Variants in KCNK17 observed in about 807,000 individuals in gnomAD.
KCNK17 encodes potassium two pore domain channel subfamily K member 17, also known as potassium channel subfamily K member 17.
KCNK17 carries 27 observed loss-of-function variants against 24.6 expected under a neutral mutation model. The ratio of observed to expected loss-of-function variants is 1.10; its 90% CI spans 0.81 to 1.51. The LOEUF (loss-of-function observed/expected upper bound fraction) is 1.51. Among genes scored for constraint, KCNK17 ranks in the 40% most tolerant of loss-of-function variants. The pLI is 0.00. For synonymous variants in KCNK17, 181 were observed against 189.8 expected (o/e 0.95, Z 0.38); for missense variants, 450 against 436.6 (o/e 1.03, Z -0.27).
At chr6:39,310,437 G>T (rs186170559) in intron 2 of KCNK17, among the ~76,000 whole-genome samples, 15 of 149,086 alleles carry the variant, frequency 1.0e-4, no homozygotes, top group Non-Finnish European at 1.8e-4. Flanking sequence ...GCTGAGAAAC[G>T]GGGGGTCTAA....
At chr6:39,299,937 T>G (rs1761921722) in intron 4 of KCNK17, among the ~76,000 whole-genome samples, 200 bp from the exon 5 acceptor site, 1 of 152,228 alleles carries the variant, frequency 6.6e-6, no homozygotes, top group African/African-American at 2.4e-5. Context: ...GTTTAGGAGC[T>G]ACATTTCCTC....
chr6:39,314,094 G>C lies in KCNK17; in HGVS notation c.227C>G (p.Ser76Trp). The change falls in exon 1 of 5, where the codon TCG (serine) becomes TGG (tryptophan). Residue 76 changes from serine to tryptophan, a missense_variant. Transcript: ENST00000373231. ...FTCLDRPALD[S>W]LIRDVVQAYK... ...CCGCTCGCCCCTGACCCGGATCAGC[G>C]AGTCCAGCGCCGGGCGGTCCAGACA... The C allele has an allele frequency of 6.3e-7, 1 of 1,581,588 alleles. No individual in the cohort carries two copies. Among genetic ancestry groups the C allele is most frequent in the Non-Finnish European group, 8.6e-7 (1 of 1,164,644 alleles).
Position 39,299,600 on chromosome 6 carries a change from A to T in KCNK17, c.826T>A (p.Cys276Ser). 1 of 1,614,200 alleles carries T rather than the reference A, an allele frequency of 6.2e-7. No homozygotes were observed. ...TCTTCCTTAGAGCTGTGGTGGCAGC[A>T]GGAACATACCCTCCCTGGCGTCTCC... is the stretch of plus-strand genomic sequence containing the variant. The part of the protein sequence containing the change: ...QLETPGRVCS[C>S]CHHSSKEDFK... The change falls in exon 5 of 5, where the codon TGC becomes AGC. Residue 276 changes from cysteine to serine, a missense_variant. Coordinates refer to ENST00000373231, the MANE Select transcript of KCNK17 (RefSeq NM_031460.4).
At chr6:39,309,481 T>C (rs1228184942) in intron 2 of KCNK17, among the ~76,000 whole-genome samples, 1 of 152,160 alleles carries the variant, frequency 6.6e-6, no homozygotes, top group Non-Finnish European at 1.5e-5. Flanking sequence ...GGCAGGGCCC[T>C]CCTCTCTTTG....
chr6:39,304,048 G>C lies in KCNK17; in HGVS notation c.597C>G (p.Leu199=). The C allele has an allele frequency of 6.2e-7, 1 of 1,613,708 alleles. No homozygotes were observed. The highest frequency in any genetic ancestry group is 1.3e-5 in the African/African-American group (1 of 74,948). Residue 199 remains leucine (L), a synonymous_variant, in exon 4 of 5, where the codon CTC becomes CTG. Transcript: ENST00000373231. ...AGCTCCAGCCCTCCATGTGGGAGAA[G>C]AGCAGCGGTGGCAGCAGCAGGAAGA... is the stretch of plus-strand genomic sequence containing the variant. The part of the protein sequence containing the change: ...LLLFLLLPPL[L]FSHMEGWSYT...
intron 2 of KCNK17, among the ~76,000 whole-genome samples, chr6:39,308,177 C>A (rs1028121124): frequency 6.6e-6 from 1 of 152,186 alleles, no homozygotes; most frequent in African/African-American, 2.4e-5. Flanking sequence ...GTCAGCTCCC[C>A]AAGGGCTGGG....
chr6:39,303,828 T>C, intron 4 of KCNK17, 129 bp downstream of exon 4: 2 of 1,020,678 alleles, frequency 2.0e-6, no homozygotes, highest in Non-Finnish European at 2.9e-6. Context: ...TAGGACAGTG[T>C]CTCCGGATTT....
In KCNK17 at chr6:39,304,668, G is replaced by A. The variant is rs369970460; in HGVS notation, c.353-13C>T. On this transcript the variant is annotated splice_polypyrimidine_tract_variant and intron_variant, in intron 2 of 4. Coordinates refer to ENST00000373231, the MANE Select transcript of KCNK17 (RefSeq NM_031460.4). ...AGGTTGCCATAGCCTGAGGTGAGAGGGGGCACTCAGGGGACATTTCCAGCC... is the reference window on the plus strand; with the variant it reads ...AGGTTGCCATAGCCTGAGGTGAGAGAGGGCACTCAGGGGACATTTCCAGCC... The A allele has an allele frequency of 4.4e-5, 71 of 1,603,378 alleles. No individual in the cohort carries two copies. The highest frequency in any genetic ancestry group is 5.5e-5 in the Non-Finnish European group (64 of 1,171,178).
intron 2 of KCNK17, among the ~76,000 whole-genome samples, chr6:39,310,118 C>A (rs970915592): frequency 6.6e-6 from 1 of 152,160 alleles, no homozygotes; most frequent in Non-Finnish European, 1.5e-5. Flanking sequence ...TACCAGCCTG[C>A]CACCTGGTGG....
intron 4 of KCNK17, among the ~76,000 whole-genome samples, chr6:39,303,547 G>C (rs1001410275): frequency 6.6e-6 from 1 of 152,202 alleles, no homozygotes; most frequent in African/African-American, 2.4e-5. Context: ...GGGGAGGCTG[G>C]GGTTCCAGGA....
rs768318411 is a variant in KCNK17 at position 39,310,895 on chromosome 6, A to G, written c.350T>C (p.Ile117Thr). The change falls in exon 2 of 5, where the codon ATT (isoleucine) becomes ACT (threonine). Residue 117 changes from isoleucine (I) to threonine (T), a missense_variant and splice_region_variant. Coordinates refer to ENST00000373231, the MANE Select transcript of KCNK17 (RefSeq NM_031460.4). Reference protein sequence around the residue: ...FFFSVSTITTIGYGNLSPNTM... With the variant: ...FFFSVSTITTTGYGNLSPNTM... ...CCCTGGCCCCATCTGGCCCTTACCA[A>G]TGGTGGTGATGGTGGACACAGAAAA... 1 of 1,594,996 alleles carries G rather than the reference A, an allele frequency of 6.3e-7. No individual in the cohort carries two copies. Among genetic ancestry groups the G allele is most frequent in the East Asian group, 2.3e-5 (1 of 44,406 alleles).
At chr6:39,308,216 C>A (rs926035101) in intron 2 of KCNK17, among the ~76,000 whole-genome samples, 2 of 152,184 alleles carry the variant, frequency 1.3e-5, no homozygotes, top group Admixed American at 1.3e-4. Context: ...CCATTGTATC[C>A]TCAGCACCAG....
intron 4 of KCNK17, among the ~76,000 whole-genome samples, chr6:39,303,418 C>T (rs1001410921): frequency 2.6e-5 from 4 of 152,238 alleles, no homozygotes; most frequent in African/African-American, 9.7e-5. Flanking sequence ...TTCTAGGGCC[C>T]TTGTCTTGCC....
Position 39,299,243 on chromosome 6 carries a change from G to T in KCNK17, c.*184C>A. ...AGAAGGGCATGCTGCCCCGACACCCGAAAGTCACATCCCATGTCACCCAGG... is the reference window on the plus strand; with the variant it reads ...AGAAGGGCATGCTGCCCCGACACCCTAAAGTCACATCCCATGTCACCCAGG... On this transcript the variant is annotated 3_prime_UTR_variant, in exon 5 of 5. Transcript: ENST00000373231. 1 of 585,678 alleles carries T rather than the reference G, an allele frequency of 1.7e-6. No individual in the cohort carries two copies. Among genetic ancestry groups the T allele is most frequent in the Non-Finnish European group, 3.0e-6 (1 of 334,096 alleles). The allele number at this position is 585,678 out of a possible 1,614,324, so 36.3% of individuals were successfully genotyped here.
At chr6:39,306,192 T>G (rs1242530549) in intron 2 of KCNK17, among the ~76,000 whole-genome samples, 1 of 152,146 alleles carries the variant, frequency 6.6e-6, no homozygotes, top group South Asian at 2.1e-4. Flanking sequence ...TACAGGCATG[T>G]GCCACCACGC....
intron 2 of KCNK17, among the ~76,000 whole-genome samples, chr6:39,309,033 T>C (rs911154670): frequency 7.9e-5 from 12 of 152,194 alleles, no homozygotes; most frequent in Non-Finnish European, 1.5e-4. Flanking sequence ...CCCATCTGTG[T>C]CATGAAAATA....
chr6:39,306,774 T>C (rs1762043229), intron 2 of KCNK17, among the ~76,000 whole-genome samples: 1 of 150,398 alleles, frequency 6.6e-6, no homozygotes, highest in African/African-American at 2.5e-5. Context: ...TTGTTTTTTT[T>C]TTTTTTTTTG....
Position 39,310,871 on chromosome 6 carries a change from CCTGG to C in KCNK17, c.352+18_352+21del. 2 of 1,445,264 alleles carry C rather than the reference CCTGG, an allele frequency of 1.4e-6. No individual in the cohort carries two copies. Among genetic ancestry groups the C allele is most frequent in the Non-Finnish European group, 1.9e-6 (2 of 1,040,848 alleles). The allele number at this position is 1,445,264 out of a possible 1,614,324, so 89.5% of individuals were successfully genotyped here. Reference sequence around the variant, plus strand: ...TGCCTCCTTCCCCCACCCCCATCCCCCTGGCCCCATCTGGCCCTTACCAATGGTG... The same window carrying C: ...TGCCTCCTTCCCCCACCCCCATCCCCCCCCATCTGGCCCTTACCAATGGTG... On this transcript the variant is annotated intron_variant, in intron 2 of 4. Coordinates refer to ENST00000373231, the MANE Select transcript of KCNK17 (RefSeq NM_031460.4).
intron 2 of KCNK17, among the ~76,000 whole-genome samples, chr6:39,306,258 G>A (rs1412713655): frequency 6.6e-6 from 1 of 152,182 alleles, no homozygotes; most frequent in Non-Finnish European, 1.5e-5. Flanking sequence ...TGGCCAGGCT[G>A]GTCTCGAGCT....
Sources: gnomAD v4.1 joint callset for allele counts (sites outside exome capture counted in the v4.1 genomes callset) on GRCh38, gnomAD v4.1.1 for gene constraint, MANE v1.5 for transcripts, NCBI Gene and HGNC (gene_info 2026-07-23, HGNC 2026-07-21) for gene names.